DYRK1A: variants seen among roughly 807,000 people sequenced by gnomAD.
DYRK1A encodes dual specificity tyrosine-phosphorylation-regulated kinase 1A.
In DYRK1A, 9 loss-of-function variants were observed where a neutral mutation model predicts 79.7. That is an observed-to-expected ratio of 0.11 (90% CI 0.07 to 0.20). The LOEUF (loss-of-function observed/expected upper bound fraction) is 0.20, where lower values mean the gene tolerates loss of function less well. DYRK1A is among the 10% of genes least tolerant of loss of function. The pLI is 1.00. For synonymous variants in DYRK1A, 349 were observed against 329.7 expected, an observed-to-expected ratio of 1.06 and a Z score of -0.63; for missense variants, 622 against 956.0, an observed-to-expected ratio of 0.65 and a Z score of 4.61.
At chr21:37,416,278 G>T (rs2050336167) in intron 1 of DYRK1A, among the ~76,000 whole-genome samples, 1 of 145,118 alleles carries the variant, frequency 6.9e-6, no homozygotes, top group Admixed American at 6.8e-5. Context: ...AACCATTTTG[G>T]TGCAATATTA....
chr21:37,486,355 TA>T lies in DYRK1A; in HGVS notation c.490-111del, dbSNP rs560344996. 2.8e-3 allele frequency: 2,418 copies of T among 868,198 alleles called. 12 individuals are homozygous for T. Among genetic ancestry groups the T allele is most frequent in the Non-Finnish European group, 2.6e-3 (1,629 of 616,612 alleles). 53.8% of individuals were successfully genotyped at this position (868,198 alleles called of 1,614,324 possible). A position where few individuals can be genotyped will look rare whatever the true frequency, so the allele number is the denominator to read the frequency against. On this transcript the variant is annotated intron_variant, in intron 5 of 11. Transcript: ENST00000647188. ...TACTTAGGAAGGTCAGAAAAATAAT[TA>T]TAAAAACATATAATTGAGAATTAGG...
rs1340742810 is a variant in DYRK1A at position 37,513,419 on chromosome 21, T to G, written c.*888T>G. On this transcript the variant is annotated 3_prime_UTR_variant, in exon 12 of 12. Transcript: ENST00000647188. ...GCCTACCATTTCAGATGCAATCACT[T>G]TTGGACATGCTTTTGCAGACAGTCC... The G allele has an allele frequency of 6.6e-6, 1 of 152,616 alleles. No individual in the cohort carries two copies. Among genetic ancestry groups the G allele is most frequent in the East Asian group, 1.9e-4 (1 of 5,200 alleles). The allele number at this position is 152,616 out of a possible 1,614,324, so 9.5% of individuals were successfully genotyped here. A position where few individuals can be genotyped will look rare whatever the true frequency, so the allele number is the denominator to read the frequency against.
In DYRK1A at chr21:37,520,064, C is replaced by G. The variant is rs8131330; in HGVS notation, c.*7533C>G. ...CGGTAGTTTGCTTTGCCTTGATAAA[C>G]TATATGATATTTAAATGTTTTATAA... On this transcript the variant is annotated 3_prime_UTR_variant, in exon 12 of 12. Coordinates refer to ENST00000647188, the MANE Select transcript of DYRK1A (RefSeq NM_001347721.2). 1 of 152,026 alleles carries G rather than the reference C, an allele frequency of 6.6e-6. No individual in the cohort carries two copies. Among genetic ancestry groups the G allele is most frequent in the Admixed American group, 6.5e-5 (1 of 15,272 alleles). 9.4% of individuals were successfully genotyped at this position (152,026 alleles called of 1,614,324 possible).
intron 4 of DYRK1A, 38 bp from the exon 5 acceptor site, chr21:37,480,600 T>G (rs774779587): frequency 1.3e-6 from 2 of 1,496,436 alleles, no homozygotes; most frequent in Admixed American, 2.2e-5. Flanking sequence ...TCACAGTGAT[T>G]TAAATTTTAC....
intron 1 of DYRK1A, among the ~76,000 whole-genome samples, chr21:37,402,112 A>G (rs1202483778): frequency 6.6e-6 from 1 of 152,110 alleles, no homozygotes; most frequent in African/African-American, 2.4e-5. Flanking sequence ...ATTATGTACA[A>G]TTTTATTATT....
rs1316652791 is a variant in DYRK1A at position 37,493,082 on chromosome 21, C to T, written c.990C>T (p.Asp330=). The change falls in exon 8 of 12, where the codon GAC becomes GAT. Residue 330 remains aspartate (D), a synonymous_variant. Transcript: ENST00000647188. The stretch of plus-strand genomic sequence containing the variant: ...AGGTGCTACTGGGAATGCCTTATGA[C>T]CTTGCCATTGATATGTGGTCCCTCG... ...SPEVLLGMPY[D]LAIDMWSLGC... 4 of 1,549,866 alleles carry T rather than the reference C, an allele frequency of 2.6e-6. No individual in the cohort carries two copies. The highest frequency in any genetic ancestry group is 1.1e-5 in the South Asian group (1 of 89,990).
intron 3 of DYRK1A, among the ~76,000 whole-genome samples, chr21:37,477,673 C>A (rs1299242762): frequency 6.6e-6 from 1 of 152,128 alleles, no homozygotes; most frequent in African/African-American, 2.4e-5. Flanking sequence ...ACATTAGGAG[C>A]TGAATTTCTT....
chr21:37,391,369 C>T (rs1481261527), intron 1 of DYRK1A, among the ~76,000 whole-genome samples: 1 of 152,210 alleles, frequency 6.6e-6, no homozygotes, highest in African/African-American at 2.4e-5. Context: ...CTAAGCCTGC[C>T]ACTACTGTGC....
At position 37,490,137 on chromosome 21, in the gene DYRK1A, G is replaced by A. The variant is rs1204546079; in HGVS notation, c.638-38G>A. 5 of 1,576,982 alleles carry A rather than the reference G, an allele frequency of 3.2e-6. No individual in the cohort carries two copies. In the African/African-American group the frequency reaches 4.1e-5, roughly 13 times the overall value. On this transcript the variant is annotated intron_variant, in intron 6 of 11. Coordinates refer to ENST00000647188, the MANE Select transcript of DYRK1A (RefSeq NM_001347721.2). Reference sequence around the variant, plus strand: ...TGTGTTTGTTACTCTCAGTTTATTGGTATATATAATTTAAAATGAAACTGT... The same window carrying A: ...TGTGTTTGTTACTCTCAGTTTATTGATATATATAATTTAAAATGAAACTGT...
At position 37,522,387 on chromosome 21, in the gene DYRK1A, A is replaced by G. The variant is rs1263683246; in HGVS notation, c.*9856A>G. 1 of 152,248 alleles carries G rather than the reference A, an allele frequency of 6.6e-6. No individual in the cohort carries two copies. Among genetic ancestry groups the G allele is most frequent in the East Asian group, 1.9e-4 (1 of 5,196 alleles). The allele number at this position is 152,248 out of a possible 1,614,324, so 9.4% of individuals were successfully genotyped here. A position where few individuals can be genotyped will look rare whatever the true frequency, so the allele number is the denominator to read the frequency against. The stretch of plus-strand genomic sequence containing the variant: ...AGGTTTAAGCAACTTGCAGAAGATG[A>G]CACAACTGACCAGCGACAGTCTGTC... On this transcript the variant is annotated 3_prime_UTR_variant, in exon 12 of 12. Coordinates refer to ENST00000647188, the MANE Select transcript of DYRK1A (RefSeq NM_001347721.2).
chr21:37,392,902 C>G (rs751136206), intron 1 of DYRK1A, among the ~76,000 whole-genome samples: 1 of 152,226 alleles, frequency 6.6e-6, no homozygotes, highest in Non-Finnish European at 1.5e-5. Context: ...GCTGCACCCT[C>G]TTGAGGGGAG....
chr21:37,376,768 G>C (rs2049550361), intron 1 of DYRK1A, among the ~76,000 whole-genome samples: 1 of 151,920 alleles, frequency 6.6e-6, no homozygotes, highest in Non-Finnish European at 1.5e-5. Context: ...TATAAGGTAC[G>C]GTTCTGATCA....
At chr21:37,380,618 A>G (rs1277341872) in intron 1 of DYRK1A, among the ~76,000 whole-genome samples, 2 of 152,198 alleles carry the variant, frequency 1.3e-5, no homozygotes, top group African/African-American at 4.8e-5. Context: ...CATGCAAAGT[A>G]AAGGATGTGG....
intron 5 of DYRK1A, 37 bp from the exon 6 acceptor site, chr21:37,486,430 A>G: frequency 3.6e-6 from 5 of 1,399,894 alleles, no homozygotes; most frequent in Non-Finnish European, 3.8e-6. Flanking sequence ...AATTTTTGCA[A>G]TTAATGAAAT....
chr21:37,496,722 C>T (rs1317394522), intron 9 of DYRK1A, among the ~76,000 whole-genome samples: 2 of 151,630 alleles, frequency 1.3e-5, no homozygotes, highest in Non-Finnish European at 2.9e-5. Flanking sequence ...GATTTTTTTC[C>T]AAGGATATTA....
At chr21:37,423,948 T>TA (rs1290622710) in intron 2 of DYRK1A, among the ~76,000 whole-genome samples, 4 of 152,208 alleles carry the variant, frequency 2.6e-5, no homozygotes, top group Admixed American at 2.6e-4. Context: ...TAACTCATTT[T>TA]AAAATGTGAA....
At chr21:37,479,564 T>TA (rs1491303546) in intron 4 of DYRK1A, among the ~76,000 whole-genome samples, 17 of 148,372 alleles carry the variant, frequency 1.1e-4, no homozygotes, top group Non-Finnish European at 2.1e-4. Context: ...TTTTTTTTTT[T>TA]ACTAGTCTTA....
At chr21:37,401,689 G>A (rs2050057451) in intron 1 of DYRK1A, among the ~76,000 whole-genome samples, 1 of 151,908 alleles carries the variant, frequency 6.6e-6, no homozygotes, top group African/African-American at 2.4e-5. Flanking sequence ...CACCATGTTG[G>A]CCAGGCTGGT....
rs149594308 is a variant in DYRK1A, at chr21:37,479,055, G to T, written c.300+755G>T. On this transcript the variant is annotated intron_variant, in intron 4 of 11. Transcript: ENST00000647188. The stretch of plus-strand genomic sequence containing the variant: ...AATCCATGCTTTCTTTCCTCTTCTA[G>T]TGGGAGCCCTGCACCCTTTCATGTT... Among the ~76,000 whole-genome samples, 349 of 152,296 alleles carry T rather than the reference G, an allele frequency of 2.3e-3. 1 individual carries two copies. The highest frequency in any genetic ancestry group is 7.5e-3 in the African/African-American group (311 of 41,538).
Sources: gnomAD v4.1 joint callset for allele counts (sites outside exome capture counted in the v4.1 genomes callset) on GRCh38, gnomAD v4.1.1 for gene constraint, MANE v1.5 for transcripts, NCBI Gene and HGNC (gene_info 2026-07-23, HGNC 2026-07-21) for gene names.